The following LPIN2 variants were observed in gnomAD, a reference collection of about 807,000 sequenced individuals.
LPIN2 encodes the protein phosphatidate phosphatase LPIN2.
Under a neutral mutation model 111.4 loss-of-function variants are expected in LPIN2, and 55 were observed. That is an observed-to-expected ratio of 0.49 (90% CI 0.40 to 0.62). LPIN2 has a LOEUF of 0.62. Among genes scored for constraint, LPIN2 ranks in the 20% least tolerant of loss-of-function variants. The pLI, the probability that LPIN2 is intolerant of heterozygous loss-of-function variation, is 0.00. For synonymous variants in LPIN2, 425 were observed against 414.0 expected, an observed-to-expected ratio of 1.03 and a Z score of -0.32; for missense variants, 992 against 1,112.1, an observed-to-expected ratio of 0.89 and a Z score of 1.54.
rs1395080501 is a variant in LPIN2 at position 2,921,573 on chromosome 18, G to C, written c.2402C>G (p.Ser801Cys). 2 of 1,614,060 alleles carry C rather than the reference G, an allele frequency of 1.2e-6. No individual in the cohort carries two copies. The highest frequency in any genetic ancestry group is 8.5e-7 in the Non-Finnish European group (1 of 1,180,018). Residue 801 changes from serine to cysteine, a missense_variant, in exon 18 of 20, where the codon TCT (serine) becomes TGT (cysteine). This residue lies in a region of LPIN2 where 185 missense variants were observed against 186.5 expected (regional missense o/e 0.99). Coordinates refer to ENST00000677752, the MANE Select transcript of LPIN2 (RefSeq NM_001375808.2). ...AAAGGCAGCATAGAAGGGCTGCTTA[G>C]ACGGGGCAAACAGATTCTTGATATC... ...LNDIKNLFAP[S>C]KQPFYAAFGN...
chr18:2,988,591 T>C (rs1006375719), intron 1 of LPIN2, among the ~76,000 whole-genome samples: 10 of 152,216 alleles, frequency 6.6e-5, no homozygotes, highest in South Asian at 2.1e-4. Flanking sequence ...GTGACGGTAA[T>C]TGCAATCTCC....
intron 1 of LPIN2, among the ~76,000 whole-genome samples, 155 bp downstream of exon 1, chr18:3,012,932 G>A (rs1598622845): frequency 6.6e-6 from 1 of 151,266 alleles, no homozygotes; most frequent in Admixed American, 6.6e-5. Flanking sequence ...GGGGACCGCG[G>A]CGCGAGGAGG....
intron 3 of LPIN2, 145 bp from the exon 4 acceptor site, chr18:2,951,501 A>C: frequency 1.4e-6 from 1 of 738,266 alleles, no homozygotes; most frequent in Non-Finnish European, 2.2e-6. Context: ...CCACTGAACT[A>C]AGGCACTGCC....
rs1023384658 is a variant in LPIN2 at position 2,917,981 on chromosome 18, C to A, written c.*2312G>T. On this transcript the variant is annotated 3_prime_UTR_variant, in exon 20 of 20. Coordinates refer to ENST00000677752, the MANE Select transcript of LPIN2 (RefSeq NM_001375808.2). ...GAGGGCATCTCTTTCACAGAAAGAA[C>A]AAATGTCATTTGTACCAAATGGCAA... 33 of 152,200 alleles carry A rather than the reference C, an allele frequency of 2.2e-4. No individual in the cohort carries two copies. The highest frequency in any genetic ancestry group is 7.5e-4 in the African/African-American group (31 of 41,444). 9.4% of individuals were successfully genotyped at this position (152,200 alleles called of 1,614,324 possible). A position where few individuals can be genotyped will look rare whatever the true frequency, so the allele number is the denominator to read the frequency against.
intron 2 of LPIN2, among the ~76,000 whole-genome samples, chr18:2,960,084 C>T (rs1260102083): frequency 6.6e-6 from 1 of 151,856 alleles, no homozygotes; most frequent in African/African-American, 2.4e-5. Context: ...GCAGGAGAAT[C>T]GCTTGAACCT....
At chr18:2,982,510 T>C (rs544385413) in intron 1 of LPIN2, among the ~76,000 whole-genome samples, 2 of 152,314 alleles carry the variant, frequency 1.3e-5, no homozygotes, top group South Asian at 4.1e-4. Context: ...CTGTTCAACA[T>C]AACACTTAGA....
intron 1 of LPIN2, among the ~76,000 whole-genome samples, chr18:2,963,253 G>T (rs550430878): frequency 6.6e-6 from 1 of 152,204 alleles, no homozygotes; most frequent in South Asian, 2.1e-4. Context: ...CTTCCTCACC[G>T]TTAGTTACGT....
chr18:2,918,345 G>A lies in LPIN2; in HGVS notation c.*1948C>T, dbSNP rs1463265527. 6.6e-6 allele frequency: 1 copy of A among 152,188 alleles called. No individual in the cohort carries two copies. The highest frequency in any genetic ancestry group is 6.5e-5 in the Admixed American group (1 of 15,284). The allele number at this position is 152,188 out of a possible 1,614,324, so 9.4% of individuals were successfully genotyped here. ...TAAAGATGTATATTAAGATTTTTCA[G>A]TACCATACATATGCAAAGAAGTCCT... is the stretch of plus-strand genomic sequence containing the variant. On this transcript the variant is annotated 3_prime_UTR_variant, in exon 20 of 20. Coordinates refer to ENST00000677752, the MANE Select transcript of LPIN2 (RefSeq NM_001375808.2).
chr18:2,999,744 C>T (rs1174406139), intron 1 of LPIN2, among the ~76,000 whole-genome samples: 1 of 152,090 alleles, frequency 6.6e-6, no homozygotes, highest in Non-Finnish European at 1.5e-5. Flanking sequence ...AACCCACCAG[C>T]AGCTAGGAGA....
chr18:2,960,017 A>C (rs867580733), intron 2 of LPIN2, among the ~76,000 whole-genome samples: 18 of 152,074 alleles, frequency 1.2e-4, no homozygotes, highest in Non-Finnish European at 2.2e-4. Context: ...AAAAATACAA[A>C]AAATTAGGGG....
intron 12 of LPIN2, among the ~76,000 whole-genome samples, chr18:2,927,036 A>AT (rs2077143035): frequency 6.6e-6 from 1 of 152,208 alleles, no homozygotes; most frequent in Non-Finnish European, 1.5e-5. Context: ...AAAACATTTT[A>AT]AGAGCACCAT....
intron 1 of LPIN2, among the ~76,000 whole-genome samples, chr18:2,971,366 G>T (rs1279308143): frequency 6.6e-6 from 1 of 152,156 alleles, no homozygotes; most frequent in Non-Finnish European, 1.5e-5. Context: ...TGGGCTCAGC[G>T]GCTGAGAAGA....
In LPIN2 at chr18:2,920,186, C is replaced by T; in HGVS notation, c.*107G>A. 6.7e-7 allele frequency: 1 copy of T among 1,493,258 alleles called. No individual in the cohort carries two copies. The allele number at this position is 1,493,258 out of a possible 1,614,324, so 92.5% of individuals were successfully genotyped here. ...ATGGCGGGACCAGCTCCAGAAGCAC[C>T]CGTCCCCGCTGGGGAAGGCTGGTAT... On this transcript the variant is annotated 3_prime_UTR_variant, in exon 20 of 20. Transcript: ENST00000677752.
Position 2,921,631 on chromosome 18 carries a change from T to G in LPIN2, c.2344A>C (p.Lys782Gln). ...CACTCAATTTTGAACTTCTCTGGTT[T>G]CTTTTCTATCACTTCTCTAAGAAAA... ...SAFHREVIEK[K>Q]PEKFKIECLN... The change falls in exon 18 of 20, where the codon AAA becomes CAA. Residue 782 changes from lysine (K) to glutamine (Q), a missense_variant. Lys to Gln is a moderately conservative substitution (Grantham distance 53, BLOSUM62 1). This residue lies in a region of LPIN2 where 185 missense variants were observed against 186.5 expected (regional missense o/e 0.99). Coordinates refer to ENST00000677752, the MANE Select transcript of LPIN2 (RefSeq NM_001375808.2). The G allele has an allele frequency of 6.2e-7, 1 of 1,608,036 alleles. No individual in the cohort carries two copies. The highest frequency in any genetic ancestry group is 8.5e-7 in the Non-Finnish European group (1 of 1,174,390).
rs2077122110 is a variant in LPIN2 at position 2,925,748 on chromosome 18, G to A, written c.1794-380C>T. Among the ~76,000 whole-genome samples the A allele has an allele frequency of 1.3e-5, 2 of 152,244 alleles. No individual in the cohort carries two copies. Among genetic ancestry groups the A allele is most frequent in the South Asian group, 2.1e-4 (1 of 4,830 alleles). On this transcript the variant is annotated intron_variant, in intron 13 of 19. Coordinates refer to ENST00000677752, the MANE Select transcript of LPIN2 (RefSeq NM_001375808.2). The surrounding 1 kb of genome is among the most constrained non-coding windows in gnomAD (Gnocchi z 4.1). ...CGGCTGGGTGCGGTGCCTCACACCT[G>A]TAATCCCAACACTTTGGGAGGCCGA...
At chr18:2,939,413 T>A in intron 6 of LPIN2, 67 bp downstream of exon 6, 1 of 1,599,442 alleles carries the variant, frequency 6.3e-7, no homozygotes, top group Non-Finnish European at 8.6e-7. Flanking sequence ...CCTTTACTTA[T>A]GGGCAGAGGA....
chr18:3,010,478 T>C (rs756510884), intron 1 of LPIN2, among the ~76,000 whole-genome samples: 1 of 151,814 alleles, frequency 6.6e-6, no homozygotes, highest in Non-Finnish European at 1.5e-5. Flanking sequence ...TTGAGAAGTA[T>C]AAAAACTTAC....
intron 4 of LPIN2, among the ~76,000 whole-genome samples, chr18:2,942,180 A>G (rs1313778249): frequency 6.6e-6 from 1 of 152,196 alleles, no homozygotes; most frequent in Admixed American, 6.5e-5. Context: ...CACATAGCTT[A>G]ATCTTTTAAT....
chr18:3,000,139 G>A (rs2078413333), intron 1 of LPIN2, among the ~76,000 whole-genome samples: 1 of 149,862 alleles, frequency 6.7e-6, no homozygotes, highest in Non-Finnish European at 1.5e-5. Context: ...GGAGGAGGAG[G>A]AGAAGGAGAA....
Sources: gnomAD v4.1 joint callset for allele counts (sites outside exome capture counted in the v4.1 genomes callset) on GRCh38, gnomAD v4.1.1 for gene constraint, gnomAD v4.1.1 regional missense constraint, Gnocchi (gnomAD v3.1) non-coding constraint, MANE v1.5 for transcripts, NCBI Gene and HGNC (gene_info 2026-07-23, HGNC 2026-07-21) for gene names.